HS3ST4: variants seen among roughly 807,000 people sequenced by gnomAD.
HS3ST4 encodes heparan sulfate-glucosamine 3-sulfotransferase 4.
A neutral mutation model predicts 29.2 loss-of-function variants in HS3ST4; 17 were observed. The ratio of observed to expected loss-of-function variants is 0.58; its 90% CI spans 0.40 to 0.87. The LOEUF (loss-of-function observed/expected upper bound fraction) is 0.87. Among genes scored for constraint, HS3ST4 ranks in the 40% least tolerant of loss-of-function variants. The probability of loss-of-function intolerance (pLI) is 0.00; values close to 1 mark genes in which losing one functional copy is unlikely to be tolerated. For synonymous variants in HS3ST4, 314 were observed against 285.7 expected (o/e 1.10, Z -1.00); for missense variants, 627 against 634.5 (o/e 0.99, Z 0.13).
At chr16:26,028,836 G>A (rs527485636) in intron 1 of HS3ST4, 1 of 152,296 alleles carries the variant, frequency 6.6e-6, no homozygotes, top group Non-Finnish European at 1.5e-5. Context: ...AACCATCTAC[G>A]TTTTGGATTA....
At chr16:26,122,534 A>G (rs562019436) in intron 1 of HS3ST4, among the ~76,000 whole-genome samples, 9 of 152,234 alleles carry the variant, frequency 5.9e-5, no homozygotes, top group Non-Finnish European at 1.2e-4. Context: ...CGGTGGAATG[A>G]CTAAGCCCTG....
At chr16:25,872,880 AGTTTTGTTTT>A (rs146736666) in intron 1 of HS3ST4, among the ~76,000 whole-genome samples, 53,331 of 151,538 alleles carry the variant, frequency 0.35, 9,644 homozygotes, top group East Asian at 0.53. Context: ...TATTTCAAGG[AGTTTTGTTTT>A]GTTTTGTTTT....
At chr16:25,984,727 T>A (rs1969044710) in intron 1 of HS3ST4, among the ~76,000 whole-genome samples, 1 of 152,218 alleles carries the variant, frequency 6.6e-6, no homozygotes, top group Non-Finnish European at 1.5e-5. Context: ...CACATTACCA[T>A]GAATGACAGG....
chr16:26,125,549 G>T (rs1271568668), intron 1 of HS3ST4, among the ~76,000 whole-genome samples: 1 of 152,256 alleles, frequency 6.6e-6, no homozygotes, highest in East Asian at 1.9e-4. Context: ...CAGCCCAGCG[G>T]TTGGGGACCC....
At chr16:25,914,448 T>C (rs1333181523) in intron 1 of HS3ST4, among the ~76,000 whole-genome samples, 1 of 151,436 alleles carries the variant, frequency 6.6e-6, no homozygotes, top group Non-Finnish European at 1.5e-5. Flanking sequence ...GTACATGGTG[T>C]GGCGTGTTGT....
chr16:26,103,007 T>C (rs1302724022), intron 1 of HS3ST4, among the ~76,000 whole-genome samples: 2 of 152,090 alleles, frequency 1.3e-5, no homozygotes, highest in Non-Finnish European at 2.9e-5. Context: ...AGTAAGAAAC[T>C]TCTATGGGGG....
chr16:26,105,262 G>A (rs1899037918), intron 1 of HS3ST4, among the ~76,000 whole-genome samples: 1 of 152,126 alleles, frequency 6.6e-6, no homozygotes, highest in East Asian at 1.9e-4. Flanking sequence ...ACCAAATACT[G>A]CATGTTCTCA....
At chr16:25,757,522 A>G (rs1966764814) in intron 1 of HS3ST4, among the ~76,000 whole-genome samples, 1 of 150,970 alleles carries the variant, frequency 6.6e-6, no homozygotes, top group Non-Finnish European at 1.5e-5. Context: ...TCTGTGTCAC[A>G]TTTTAGTAAT....
At chr16:26,128,877 C>T (rs1230028618) in intron 1 of HS3ST4, among the ~76,000 whole-genome samples, 2 of 152,160 alleles carry the variant, frequency 1.3e-5, no homozygotes, top group East Asian at 1.9e-4. Context: ...GGCCCTGCTT[C>T]ACCCCATGCC....
chr16:26,081,658 C>T (rs11074743), intron 1 of HS3ST4, among the ~76,000 whole-genome samples: 55,501 of 151,962 alleles, frequency 0.37, 10,647 homozygotes, highest in Middle Eastern at 0.44. Context: ...AGAAATTATC[C>T]AGGTGAAGAA....
chr16:26,124,082 G>A (rs796507028), intron 1 of HS3ST4, among the ~76,000 whole-genome samples: 38 of 152,108 alleles, frequency 2.5e-4, no homozygotes, highest in Admixed American at 1.8e-3. Context: ...CACCACACCC[G>A]TCTAATTTTG....
intron 1 of HS3ST4, among the ~76,000 whole-genome samples, chr16:25,755,506 G>C (rs1966751894): frequency 6.6e-6 from 1 of 152,180 alleles, no homozygotes; most frequent in Non-Finnish European, 1.5e-5. Context: ...GTAGTGCTGG[G>C]AGATGAGGAT....
chr16:26,047,848 G>A (rs113803229), intron 1 of HS3ST4, among the ~76,000 whole-genome samples: 93 of 152,260 alleles, frequency 6.1e-4, no homozygotes, highest in African/African-American at 2.1e-3. Flanking sequence ...GACCATGAGC[G>A]GTGTAACAGA....
intron 1 of HS3ST4, among the ~76,000 whole-genome samples, chr16:25,941,350 G>C (rs950049856): frequency 3.3e-5 from 5 of 151,934 alleles, no homozygotes; most frequent in Non-Finnish European, 7.4e-5. Context: ...GTAGAGACGA[G>C]GTTTCTTCAT....
At chr16:26,105,739 C>G (rs1899047176) in intron 1 of HS3ST4, among the ~76,000 whole-genome samples, 1 of 152,280 alleles carries the variant, frequency 6.6e-6, no homozygotes. Flanking sequence ...GCTGCACCTG[C>G]TATTTCCCCA....
intron 1 of HS3ST4, among the ~76,000 whole-genome samples, chr16:26,088,369 T>C (rs537657188): frequency 6.6e-6 from 1 of 152,322 alleles, no homozygotes; most frequent in South Asian, 2.1e-4. Flanking sequence ...TGTTTAATTG[T>C]GGTGGTTAAT....
intron 1 of HS3ST4, among the ~76,000 whole-genome samples, chr16:26,037,139 A>T (rs1288448499): frequency 6.6e-6 from 1 of 152,216 alleles, no homozygotes; most frequent in Non-Finnish European, 1.5e-5. Flanking sequence ...GAACAGCGCC[A>T]TTCTTAAGCC....
At chr16:25,993,640 C>T (rs147360291) in intron 1 of HS3ST4, among the ~76,000 whole-genome samples, 1 of 151,914 alleles carries the variant, frequency 6.6e-6, no homozygotes, top group African/African-American at 2.4e-5. Flanking sequence ...ATACCAAGCT[C>T]ATACTATGAT....
intron 1 of HS3ST4, among the ~76,000 whole-genome samples, chr16:25,941,890 C>G (rs1183723605): frequency 6.6e-6 from 1 of 152,170 alleles, no homozygotes; most frequent in African/African-American, 2.4e-5. Context: ...TCTTTATTTT[C>G]TATCTCCCAG....
Sources: allele counts gnomAD v4.1 joint callset (sites outside exome capture counted in the v4.1 genomes callset), GRCh38; gene constraint gnomAD v4.1.1; transcripts MANE v1.5; gene names NCBI Gene and HGNC (gene_info 2026-07-23, HGNC 2026-07-21).